The following AKT3 variants were observed in gnomAD, a reference collection of about 807,000 sequenced individuals.
AKT3 encodes RAC-gamma serine/threonine-protein kinase.
In AKT3, 15 loss-of-function variants were observed where a neutral mutation model predicts 65.3. That is an observed-to-expected ratio of 0.23 (90% CI 0.15 to 0.35). The LOEUF (loss-of-function observed/expected upper bound fraction) is 0.35. Ranked by LOEUF, AKT3 falls within the 10% of genes least tolerant of loss-of-function variation. AKT3 has a pLI of 1.00. For missense variants in AKT3, 243 were observed against 576.5 expected (o/e 0.42, Z 5.92); for synonymous variants, 206 against 183.8 (o/e 1.12, Z -0.98).
intron 2 of AKT3, among the ~76,000 whole-genome samples, chr1:243,786,196 C>T (rs547030953): frequency 6.6e-6 from 1 of 152,288 alleles, no homozygotes; most frequent in Admixed American, 6.5e-5. Flanking sequence ...TAACCCTGAT[C>T]AAAAAGAGGT....
At chr1:243,735,329 T>A (rs1012537628) in intron 2 of AKT3, among the ~76,000 whole-genome samples, 1 of 152,250 alleles carries the variant, frequency 6.6e-6, no homozygotes, top group Non-Finnish European at 1.5e-5. Context: ...TGCTATGATG[T>A]TACATCACTA....
At chr1:243,768,851 GA>G (rs1689994564) in intron 2 of AKT3, among the ~76,000 whole-genome samples, 1 of 148,392 alleles carries the variant, frequency 6.7e-6, no homozygotes, top group Non-Finnish European at 1.5e-5. Flanking sequence ...AAAAAAAAGA[GA>G]GCGATAGTTC....
intron 2 of AKT3, among the ~76,000 whole-genome samples, chr1:243,719,200 C>A (rs1341806251): frequency 1.3e-5 from 2 of 152,192 alleles, no homozygotes; most frequent in South Asian, 2.1e-4. Context: ...TTTAAAAAAA[C>A]CGATAGTGTT....
rs767721572 is a variant in AKT3, at chr1:243,552,961, A to G, written c.949-18T>C. 8 of 1,528,740 alleles carry G rather than the reference A, an allele frequency of 5.2e-6. No homozygotes were observed. The African/African-American group carries it at 8.4e-5, about 16-fold the overall frequency. The allele number at this position is 1,528,740 out of a possible 1,614,324, so 94.7% of individuals were successfully genotyped here. On this transcript the variant is annotated intron_variant, in intron 10 of 13. Coordinates refer to ENST00000673466, the MANE Select transcript of AKT3 (RefSeq NM_005465.7). ...TCTAACACCTAAAAGTGAAATCAGTAAAAAGATTAATTATTACATGTTAAC... is the reference window on the plus strand; with the variant it reads ...TCTAACACCTAAAAGTGAAATCAGTGAAAAGATTAATTATTACATGTTAAC...
At chr1:243,578,273 T>G (rs1257806204) in intron 8 of AKT3, among the ~76,000 whole-genome samples, 1 of 152,094 alleles carries the variant, frequency 6.6e-6, no homozygotes, top group Non-Finnish European at 1.5e-5. Context: ...AGCAAAGTCA[T>G]GGAATCAACC....
chr1:243,713,327 A>G (rs1462116881), intron 2 of AKT3, among the ~76,000 whole-genome samples: 1 of 152,194 alleles, frequency 6.6e-6, no homozygotes, highest in African/African-American at 2.4e-5. Flanking sequence ...AGACATGAAT[A>G]AGGGAGAGAA....
intron 2 of AKT3, among the ~76,000 whole-genome samples, chr1:243,746,225 C>T (rs2148193232): frequency 6.6e-6 from 1 of 152,132 alleles, no homozygotes; most frequent in African/African-American, 2.4e-5. Context: ...AATTTAACGT[C>T]CATTTCTAAC....
intron 2 of AKT3, among the ~76,000 whole-genome samples, chr1:243,795,305 C>T (rs1301784027): frequency 2.0e-5 from 3 of 151,960 alleles, no homozygotes; most frequent in African/African-American, 7.3e-5. Context: ...CAGCAGAAAG[C>T]CTATCAGTAT....
chr1:243,586,408 G>T (rs1315496787), intron 8 of AKT3, among the ~76,000 whole-genome samples: 4 of 152,072 alleles, frequency 2.6e-5, no homozygotes, highest in Non-Finnish European at 4.4e-5. Context: ...GTACCCAAAA[G>T]AAAACAAATT....
At chr1:243,513,583 GAATT>G (rs1459224970) in intron 12 of AKT3, among the ~76,000 whole-genome samples, 1 of 152,156 alleles carries the variant, frequency 6.6e-6, no homozygotes, top group Non-Finnish European at 1.5e-5. Context: ...GGGATGAGCA[GAATT>G]AAAAGCAGGT....
intron 2 of AKT3, among the ~76,000 whole-genome samples, chr1:243,823,227 A>T (rs1379283482): frequency 1.3e-5 from 2 of 152,226 alleles, no homozygotes; most frequent in Non-Finnish European, 2.9e-5. Context: ...AAAATTCAAC[A>T]TCCCTTAATG....
At chr1:243,700,166 A>C (rs1685355082) in intron 2 of AKT3, among the ~76,000 whole-genome samples, 1 of 152,300 alleles carries the variant, frequency 6.6e-6, no homozygotes, top group Middle Eastern at 3.4e-3. Context: ...AAAAACTACT[A>C]CTTACTCATT....
chr1:243,559,285 C>T (rs1353249779), intron 10 of AKT3, among the ~76,000 whole-genome samples: 2 of 152,052 alleles, frequency 1.3e-5, no homozygotes, highest in African/African-American at 4.8e-5. Context: ...AGTGCATATG[C>T]CAGCTAGAAC....
At chr1:243,795,558 G>A (rs1251227436) in intron 2 of AKT3, among the ~76,000 whole-genome samples, 8 of 129,108 alleles carry the variant, frequency 6.2e-5, no homozygotes, top group Non-Finnish European at 8.0e-5. Flanking sequence ...TGCAAGCTCC[G>A]CCTCCCGGGT....
intron 9 of AKT3, among the ~76,000 whole-genome samples, chr1:243,572,712 T>C (rs1043980621): frequency 1.3e-5 from 2 of 152,158 alleles, no homozygotes; most frequent in African/African-American, 4.8e-5. Context: ...CGGGCAGAAA[T>C]TGCTTTGCAA....
At chr1:243,547,603 G>A (rs1235473413) in intron 11 of AKT3, among the ~76,000 whole-genome samples, 1 of 152,140 alleles carries the variant, frequency 6.6e-6, no homozygotes, top group Non-Finnish European at 1.5e-5. Flanking sequence ...ATCATTAGTT[G>A]AGGAGCATAC....
In AKT3 at chr1:243,503,138, G is replaced by A. The variant is rs570624987; in HGVS notation, c.*2111C>T. 1 of 233,574 alleles carries A rather than the reference G, an allele frequency of 4.3e-6. No homozygotes were observed. The highest frequency in any genetic ancestry group is 1.8e-4 in the South Asian group (1 of 5,528). The allele number at this position is 233,574 out of a possible 1,614,324, so 14.5% of individuals were successfully genotyped here. On this transcript the variant is annotated 3_prime_UTR_variant, in exon 14 of 14. Coordinates refer to ENST00000673466, the MANE Select transcript of AKT3 (RefSeq NM_005465.7). ...ATTAGCTATGTGTGTAAGTAAGAAT[G>A]AACTACCATTTACTGTAACTTCCTA... is the stretch of plus-strand genomic sequence containing the variant.
intron 4 of AKT3, 129 bp downstream of exon 4, chr1:243,664,643 A>T: frequency 3.2e-6 from 1 of 315,016 alleles, no homozygotes; most frequent in Non-Finnish European, 5.5e-6. Context: ...TGCCAGAAGC[A>T]AGAATTTAGA....
chr1:243,554,476 T>G (rs1466256701), intron 10 of AKT3, among the ~76,000 whole-genome samples: 1 of 152,124 alleles, frequency 6.6e-6, no homozygotes, highest in African/African-American at 2.4e-5. Flanking sequence ...TTGTTTGAAA[T>G]GAGTAATTTG....
Sources: gnomAD v4.1 joint callset for allele counts (sites outside exome capture counted in the v4.1 genomes callset) on GRCh38, gnomAD v4.1.1 for gene constraint, MANE v1.5 for transcripts, NCBI Gene and HGNC (gene_info 2026-07-23, HGNC 2026-07-21) for gene names.